Variants in PTPRD observed in about 807,000 individuals in gnomAD.
PTPRD encodes the protein receptor-type tyrosine-protein phosphatase delta.
Under a neutral mutation model 214.5 loss-of-function variants are expected in PTPRD, and 34 were observed. The ratio of observed to expected loss-of-function variants is 0.16; its 90% CI spans 0.12 to 0.21. PTPRD has a LOEUF of 0.21. Ranked by LOEUF, PTPRD falls within the 10% of genes least tolerant of loss-of-function variation. The probability of loss-of-function intolerance (pLI) is 1.00; values close to 1 mark genes in which losing one functional copy is unlikely to be tolerated. For synonymous variants in PTPRD, 1,128 were observed against 845.7 expected (o/e 1.33, Z -5.79); for missense variants, 2,545 against 2,398.7 (o/e 1.06, Z -1.27).
chr9:8,411,300 C>CTTTTATTTTTAA (rs1554890943), intron 35 of PTPRD, among the ~76,000 whole-genome samples: 1 of 151,068 alleles, frequency 6.6e-6, no homozygotes, highest in African/African-American at 2.4e-5. Flanking sequence ...TTTTATTTAT[C>CTTTTATTTTTAA]TTTTATTTTT....
At chr9:9,954,432 C>T (rs1448964252) in intron 4 of PTPRD, among the ~76,000 whole-genome samples, 1 of 148,070 alleles carries the variant, frequency 6.8e-6, no homozygotes, top group Non-Finnish European at 1.5e-5. Context: ...AAAGCACTAA[C>T]TTTAAACATG....
intron 8 of PTPRD, among the ~76,000 whole-genome samples, chr9:9,460,262 T>A (rs2093518959): frequency 6.6e-6 from 1 of 151,980 alleles, no homozygotes; most frequent in Non-Finnish European, 1.5e-5. Context: ...TAGGAAAAAC[T>A]CTTCTGGACA....
chr9:8,446,526 G>A (rs1278561784), intron 34 of PTPRD, among the ~76,000 whole-genome samples: 1 of 152,068 alleles, frequency 6.6e-6, no homozygotes, highest in African/African-American at 2.4e-5. Context: ...TTGCCTTTGG[G>A]AACAAATTCT....
chr9:9,636,907 G>A (rs1403082430), intron 7 of PTPRD, among the ~76,000 whole-genome samples: 2 of 152,142 alleles, frequency 1.3e-5, no homozygotes, highest in South Asian at 2.1e-4. Flanking sequence ...TAAGGGGGGC[G>A]AGTCTCTGCT....
intron 30 of PTPRD, among the ~76,000 whole-genome samples, chr9:8,473,762 C>A (rs967483892): frequency 6.6e-6 from 1 of 152,154 alleles, no homozygotes; most frequent in African/African-American, 2.4e-5. Flanking sequence ...AAGAATTGAA[C>A]AGCCTCCCCC....
At chr9:9,841,642 C>A (rs1024513706) in intron 5 of PTPRD, among the ~76,000 whole-genome samples, 1 of 152,094 alleles carries the variant, frequency 6.6e-6, no homozygotes, top group African/African-American at 2.4e-5. Context: ...GTTGTTAGCA[C>A]TGGAGATAGC....
At chr9:9,365,381 C>T (rs1046891756) in intron 9 of PTPRD, among the ~76,000 whole-genome samples, 1 of 151,468 alleles carries the variant, frequency 6.6e-6, no homozygotes, top group Non-Finnish European at 1.5e-5. Context: ...TATTTTTATG[C>T]ACTGAAGAAA....
At position 8,929,755 on chromosome 9, in the gene PTPRD, A is replaced by ATATATATGTGTATATATATG. The variant is rs1285445116; in HGVS notation, c.-104+88941_-104+88942insCATATATATACACATATATA. ...TGTGTATATATATGTGTATATATAT[A>ATATATATGTGTATATATATG]TGTATATATATGTGTATATATATGG... On this transcript the variant is annotated intron_variant, in intron 11 of 45. Transcript: ENST00000381196. Among the ~76,000 whole-genome samples the ATATATATGTGTATATATATG allele has an allele frequency of 7.7e-4, 45 of 58,088 alleles. 2 individuals carry two copies. Among genetic ancestry groups the ATATATATGTGTATATATATG allele is most frequent in the East Asian group, 2.3e-3 (5 of 2,214 alleles). 38.1% of individuals were successfully genotyped at this position (58,088 alleles called of 152,430 possible).
At chr9:10,281,096 C>T (rs1407679590) in intron 3 of PTPRD, among the ~76,000 whole-genome samples, 1 of 152,154 alleles carries the variant, frequency 6.6e-6, no homozygotes, top group East Asian at 1.9e-4. Context: ...TCCTTGAAGT[C>T]TTCGTATCTC....
intron 27 of PTPRD, 76 bp from the exon 28 acceptor site, chr9:8,486,425 T>G: frequency 8.0e-7 from 1 of 1,242,986 alleles, no homozygotes; most frequent in Non-Finnish European, 1.2e-6. Flanking sequence ...AATGAGGGAG[T>G]TCCACTCTAC....
At chr9:10,437,065 A>T (rs1307072294) in intron 2 of PTPRD, among the ~76,000 whole-genome samples, 4 of 151,706 alleles carry the variant, frequency 2.6e-5, no homozygotes, top group Non-Finnish European at 5.9e-5. Flanking sequence ...TAGCACAACA[A>T]CTTGACCTAA....
intron 9 of PTPRD, among the ~76,000 whole-genome samples, chr9:9,280,112 C>G (rs1947118662): frequency 6.6e-6 from 1 of 151,240 alleles, no homozygotes; most frequent in Non-Finnish European, 1.5e-5. Flanking sequence ...GCAGTATGCC[C>G]TTGCCTGGGG....
At chr9:9,859,662 T>C (rs1007651693) in intron 5 of PTPRD, among the ~76,000 whole-genome samples, 2 of 152,222 alleles carry the variant, frequency 1.3e-5, no homozygotes, top group African/African-American at 4.8e-5. Context: ...GGTATTCTGA[T>C]TTAATACAAC....
intron 9 of PTPRD, among the ~76,000 whole-genome samples, chr9:9,295,242 C>T (rs1262598307): frequency 1.3e-5 from 2 of 151,654 alleles, no homozygotes. Context: ...CTGTTGAAAA[C>T]ATACACATAT....
chr9:9,198,451 A>AAG (rs1263449928), intron 9 of PTPRD, among the ~76,000 whole-genome samples: 2 of 152,188 alleles, frequency 1.3e-5, no homozygotes, highest in African/African-American at 2.4e-5. Flanking sequence ...GGACTCACTT[A>AAG]GAATTCAAGC....
intron 10 of PTPRD, among the ~76,000 whole-genome samples, chr9:9,170,064 A>C (rs1419138409): frequency 6.6e-6 from 1 of 152,182 alleles, no homozygotes; most frequent in Non-Finnish European, 1.5e-5. Flanking sequence ...TAAGCCCATA[A>C]AGTTTTCCTG....
At chr9:10,060,005 C>A (rs554476004) in intron 3 of PTPRD, among the ~76,000 whole-genome samples, 3 of 152,078 alleles carry the variant, frequency 2.0e-5, no homozygotes, top group Admixed American at 6.6e-5. Context: ...TGTTGACTAT[C>A]AACCAATGAA....
At chr9:9,960,509 T>C (rs2094288016) in intron 4 of PTPRD, among the ~76,000 whole-genome samples, 1 of 152,078 alleles carries the variant, frequency 6.6e-6, no homozygotes, top group Admixed American at 6.6e-5. Context: ...ACCTGACATA[T>C]ACTACCTCAG....
At chr9:8,813,597 T>A (rs962416577) in intron 11 of PTPRD, among the ~76,000 whole-genome samples, 1 of 152,070 alleles carries the variant, frequency 6.6e-6, no homozygotes. Context: ...GGACTCAAAC[T>A]CCTAGGCTAA....
Sources: allele counts gnomAD v4.1 joint callset (sites outside exome capture counted in the v4.1 genomes callset), GRCh38; gene constraint gnomAD v4.1.1; transcripts MANE v1.5; gene names NCBI Gene and HGNC (gene_info 2026-07-23, HGNC 2026-07-21).